PTPRR: variants seen among roughly 807,000 people sequenced by gnomAD.
PTPRR encodes receptor-type tyrosine-protein phosphatase R.
PTPRR carries 38 observed loss-of-function variants against 77.2 expected under a neutral mutation model. The ratio of observed to expected loss-of-function variants is 0.49; its 90% CI spans 0.38 to 0.65. The LOEUF is 0.65. Ranked by LOEUF, PTPRR falls within the 30% of genes least tolerant of loss-of-function variation. PTPRR has a pLI of 0.00. For missense variants in PTPRR, 744 were observed against 799.2 expected (o/e 0.93, Z 0.83); for synonymous variants, 299 against 283.1 (o/e 1.06, Z -0.57).
chr12:70,771,771 G>A (rs1323482014), intron 2 of PTPRR, among the ~76,000 whole-genome samples: 1 of 152,148 alleles, frequency 6.6e-6, no homozygotes, highest in Non-Finnish European at 1.5e-5. Flanking sequence ...AGAGAAAGAT[G>A]CTGTGTAAGT....
intron 8 of PTPRR, among the ~76,000 whole-genome samples, chr12:70,688,174 G>A (rs1324006860): frequency 6.6e-6 from 1 of 152,006 alleles, no homozygotes; most frequent in African/African-American, 2.4e-5. Flanking sequence ...ATTGATGTGG[G>A]CAAAAATTTC....
chr12:70,873,738 T>G (rs1391445330), intron 2 of PTPRR, among the ~76,000 whole-genome samples: 1 of 152,064 alleles, frequency 6.6e-6, no homozygotes, highest in Non-Finnish European at 1.5e-5. Flanking sequence ...AGGCTGCAAT[T>G]TTATCATGAG....
intron 2 of PTPRR, among the ~76,000 whole-genome samples, chr12:70,856,793 G>T (rs926107251): frequency 6.6e-6 from 1 of 150,990 alleles, no homozygotes; most frequent in Non-Finnish European, 1.5e-5. Context: ...GGATAGAGAG[G>T]GAGGCAGGAA....
intron 10 of PTPRR, among the ~76,000 whole-genome samples, chr12:70,681,602 C>T (rs529531336): frequency 2.0e-5 from 3 of 152,194 alleles, no homozygotes; most frequent in Non-Finnish European, 4.4e-5. Flanking sequence ...GTCTCCTTGT[C>T]TCACAGGATT....
At chr12:70,868,861 A>G (rs1207327272) in intron 2 of PTPRR, among the ~76,000 whole-genome samples, 3 of 152,090 alleles carry the variant, frequency 2.0e-5, no homozygotes, top group Non-Finnish European at 4.4e-5. Flanking sequence ...GCCATAAAAA[A>G]TGATGAGTTC....
At chr12:70,830,762 A>T (rs1175707324) in intron 2 of PTPRR, among the ~76,000 whole-genome samples, 1 of 152,194 alleles carries the variant, frequency 6.6e-6, no homozygotes, top group Non-Finnish European at 1.5e-5. Flanking sequence ...TTTGCCAGAG[A>T]AAAAAGGAGC....
At chr12:70,704,977 A>C (rs1888564991) in intron 6 of PTPRR, among the ~76,000 whole-genome samples, 1 of 152,164 alleles carries the variant, frequency 6.6e-6, no homozygotes, top group Non-Finnish European at 1.5e-5. Context: ...CTCCTGCTGC[A>C]GCACCAATTA....
At chr12:70,640,908 A>G (rs1242741524) in intron 13 of PTPRR, among the ~76,000 whole-genome samples, 1 of 152,218 alleles carries the variant, frequency 6.6e-6, no homozygotes, top group African/African-American at 2.4e-5. Flanking sequence ...AGGTAAATTC[A>G]CAGTTTTTGG....
chr12:70,768,894 G>A (rs1186037604), intron 2 of PTPRR, among the ~76,000 whole-genome samples: 2 of 151,262 alleles, frequency 1.3e-5, no homozygotes, highest in Non-Finnish European at 2.9e-5. Flanking sequence ...TATAAACAGA[G>A]CCAAAGACAA....
In PTPRR at chr12:70,885,303, T is replaced by A. The variant is rs1235222480; in HGVS notation, c.357+7376A>T. On this transcript the variant is annotated intron_variant, in intron 2 of 13. Transcript: ENST00000283228. ...ACTGTATTGGGAATATAAGTCAATA[T>A]ATAAAATGTGAAAGCTACTATACAA... is the stretch of plus-strand genomic sequence containing the variant. 2.0e-5 allele frequency among the ~76,000 whole-genome samples: 3 copies of A among 152,148 alleles called. No individual in the cohort carries two copies. The South Asian group carries it at 6.2e-4, about 31-fold the overall frequency.
At chr12:70,789,646 C>A (rs768213667) in intron 2 of PTPRR, among the ~76,000 whole-genome samples, 5 of 151,286 alleles carry the variant, frequency 3.3e-5, no homozygotes, top group Non-Finnish European at 5.9e-5. Context: ...TAGATGGCAA[C>A]AAAAAAATTA....
At chr12:70,861,615 G>T (rs1203707273) in intron 2 of PTPRR, among the ~76,000 whole-genome samples, 2 of 152,134 alleles carry the variant, frequency 1.3e-5, no homozygotes, top group Non-Finnish European at 2.9e-5. Flanking sequence ...GACTGGGATT[G>T]ATCGCAGTTG....
intron 2 of PTPRR, among the ~76,000 whole-genome samples, chr12:70,876,088 T>A (rs1893047511): frequency 6.6e-6 from 1 of 152,128 alleles, no homozygotes; most frequent in South Asian, 2.1e-4. Context: ...GCTACAACTT[T>A]TCAAAAAATA....
At chr12:70,820,612 C>T (rs1328706647) in intron 2 of PTPRR, among the ~76,000 whole-genome samples, 3 of 152,184 alleles carry the variant, frequency 2.0e-5, no homozygotes, top group East Asian at 1.9e-4. Context: ...GGATTACAGG[C>T]GTGAGCCACT....
intron 8 of PTPRR, among the ~76,000 whole-genome samples, chr12:70,686,293 A>G (rs1020096975): frequency 6.6e-6 from 1 of 152,228 alleles, no homozygotes. Context: ...TTCATAGAAT[A>G]TATTTAAATG....
chr12:70,879,476 C>T (rs1445466495), intron 2 of PTPRR, among the ~76,000 whole-genome samples: 3 of 151,726 alleles, frequency 2.0e-5, no homozygotes, highest in African/African-American at 7.3e-5. Flanking sequence ...TATAGTAGAA[C>T]AAGCACATGA....
intron 6 of PTPRR, among the ~76,000 whole-genome samples, chr12:70,742,891 T>G (rs1356478483): frequency 6.6e-6 from 1 of 152,064 alleles, no homozygotes; most frequent in Non-Finnish European, 1.5e-5. Context: ...GACTCACAAT[T>G]TAAAAAGAAG....
At chr12:70,706,523 T>C (rs943584839) in intron 6 of PTPRR, among the ~76,000 whole-genome samples, 1 of 152,078 alleles carries the variant, frequency 6.6e-6, no homozygotes, top group African/African-American at 2.4e-5. Context: ...ATAGAGAACA[T>C]TTTTAGTGTA....
intron 2 of PTPRR, among the ~76,000 whole-genome samples, chr12:70,880,065 G>T (rs920992975): frequency 1.3e-5 from 2 of 152,088 alleles, no homozygotes; most frequent in African/African-American, 4.8e-5. Flanking sequence ...CCAACCAATG[G>T]CTTAGGAGAA....
Sources: allele counts gnomAD v4.1 joint callset (sites outside exome capture counted in the v4.1 genomes callset), GRCh38; gene constraint gnomAD v4.1.1; transcripts MANE v1.5; gene names NCBI Gene and HGNC (gene_info 2026-07-23, HGNC 2026-07-21).